Variants in SPAG16 observed in about 807,000 individuals in gnomAD.
SPAG16 encodes the protein sperm associated antigen 16.
A neutral mutation model predicts 80.4 loss-of-function variants in SPAG16; 86 were observed. The observed-to-expected ratio is 1.07, with a 90% confidence interval of 0.90 to 1.28. SPAG16 has a LOEUF of 1.28. SPAG16 is among the 50% of genes most tolerant of loss of function. The probability of loss-of-function intolerance (pLI) is 0.00; values close to 1 mark genes in which losing one functional copy is unlikely to be tolerated. For synonymous variants in SPAG16, 294 were observed against 265.9 expected, an observed-to-expected ratio of 1.11 and a Z score of -1.03; for missense variants, 870 against 765.3, an observed-to-expected ratio of 1.14 and a Z score of -1.61.
chr2:213,837,915 G>A (rs1482535819), intron 10 of SPAG16, among the ~76,000 whole-genome samples: 2 of 152,270 alleles, frequency 1.3e-5, no homozygotes, highest in Non-Finnish European at 2.9e-5. Context: ...GAAGATGAAG[G>A]AAGGGACCAT....
chr2:214,326,617 T>C (rs1696499927), intron 15 of SPAG16, among the ~76,000 whole-genome samples: 1 of 152,130 alleles, frequency 6.6e-6, no homozygotes, highest in Admixed American at 6.5e-5. Context: ...CCCAGCATGA[T>C]AGAGGTATTT....
At chr2:213,850,178 A>G (rs1319895651) in intron 10 of SPAG16, among the ~76,000 whole-genome samples, 1 of 152,196 alleles carries the variant, frequency 6.6e-6, no homozygotes, top group African/African-American at 2.4e-5. Context: ...TGTGTTTTGA[A>G]ATGGTATTTC....
intron 13 of SPAG16, among the ~76,000 whole-genome samples, chr2:214,103,400 C>A (rs917147343): frequency 6.6e-6 from 1 of 152,158 alleles, no homozygotes; most frequent in Non-Finnish European, 1.5e-5. Flanking sequence ...CCACGCCTGA[C>A]CTCTAGTCTG....
chr2:213,768,402 T>C (rs771873984), intron 10 of SPAG16, among the ~76,000 whole-genome samples: 2 of 152,140 alleles, frequency 1.3e-5, no homozygotes, highest in Non-Finnish European at 2.9e-5. Context: ...GACAGAAAAG[T>C]TACTCTGAAA....
intron 15 of SPAG16, among the ~76,000 whole-genome samples, chr2:214,387,546 A>G (rs1021712221): frequency 1.3e-5 from 2 of 152,218 alleles, no homozygotes; most frequent in African/African-American, 4.8e-5. Flanking sequence ...AAAAAATAAA[A>G]TCTACCCTTA....
At chr2:213,650,506 T>C (rs945125030) in intron 10 of SPAG16, among the ~76,000 whole-genome samples, 12 of 152,216 alleles carry the variant, frequency 7.9e-5, no homozygotes, top group Non-Finnish European at 1.5e-4. Flanking sequence ...ATAGCTACTA[T>C]TAATGCATTG....
intron 13 of SPAG16, among the ~76,000 whole-genome samples, chr2:214,050,857 A>G (rs144437714): frequency 5.3e-5 from 8 of 152,312 alleles, no homozygotes; most frequent in African/African-American, 1.7e-4. Flanking sequence ...AAAAAAGATC[A>G]ACCTGCAAAA....
intron 15 of SPAG16, among the ~76,000 whole-genome samples, chr2:214,299,551 C>T (rs1447124349): frequency 6.6e-6 from 1 of 151,970 alleles, no homozygotes; most frequent in Non-Finnish European, 1.5e-5. Context: ...CCAGCCTATA[C>T]TTCTGTGTAC....
chr2:214,059,583 CATT>C (rs2050149310), intron 13 of SPAG16, among the ~76,000 whole-genome samples: 1 of 151,948 alleles, frequency 6.6e-6, no homozygotes, highest in South Asian at 2.1e-4. Flanking sequence ...GAATCACAAT[CATT>C]ATAGATTTTC....
intron 15 of SPAG16, among the ~76,000 whole-genome samples, chr2:214,159,723 T>G (rs982643998): frequency 1.3e-5 from 2 of 151,998 alleles, no homozygotes; most frequent in African/African-American, 4.8e-5. Flanking sequence ...GTCATCTTCA[T>G]GTAACATCTC....
chr2:213,746,116 C>T (rs185523094), intron 10 of SPAG16, among the ~76,000 whole-genome samples: 1 of 152,272 alleles, frequency 6.6e-6, no homozygotes, highest in East Asian at 1.9e-4. Context: ...GAAATTCTGA[C>T]CCCTGGCATA....
intron 10 of SPAG16, among the ~76,000 whole-genome samples, chr2:213,549,154 T>G (rs946592427): frequency 9.2e-5 from 14 of 152,200 alleles, no homozygotes; most frequent in African/African-American, 3.4e-4. Flanking sequence ...GTAATCCTAT[T>G]TATTTCTTTT....
At chr2:213,554,150 A>T (rs2059349377) in intron 10 of SPAG16, among the ~76,000 whole-genome samples, 1 of 152,200 alleles carries the variant, frequency 6.6e-6, no homozygotes, top group South Asian at 2.1e-4. Flanking sequence ...GTATGAGAAA[A>T]GGAGGTCATG....
intron 10 of SPAG16, among the ~76,000 whole-genome samples, chr2:213,519,548 T>C (rs947787951): frequency 1.3e-5 from 2 of 152,222 alleles, no homozygotes; most frequent in Admixed American, 6.5e-5. Flanking sequence ...TCTGCCATGA[T>C]TGTGAGTCTT....
chr2:213,777,630 A>G (rs1204813860), intron 10 of SPAG16, among the ~76,000 whole-genome samples: 1 of 151,986 alleles, frequency 6.6e-6, no homozygotes, highest in African/African-American at 2.4e-5. Flanking sequence ...GATGGTCTCG[A>G]TCTCCTGACC....
In SPAG16 at chr2:214,069,015, C is replaced by T. The variant is rs774970891; in HGVS notation, c.1528-39181C>T. On this transcript the variant is annotated intron_variant, in intron 13 of 15. Coordinates refer to ENST00000331683, the MANE Select transcript of SPAG16 (RefSeq NM_024532.5). ...ACTTAGGACAAAAGAAATCATAAAG[C>T]CTGTGTTTCTAAATACCCAAGTTGT... Among the ~76,000 whole-genome samples, 104 of 152,122 alleles carry T rather than the reference C, an allele frequency of 6.8e-4. 1 individual carries two copies. Among genetic ancestry groups the T allele is most frequent in the Admixed American group, 1.2e-3 (18 of 15,262 alleles).
intron 11 of SPAG16, among the ~76,000 whole-genome samples, chr2:213,895,687 G>A (rs573899691): frequency 4.6e-5 from 7 of 152,062 alleles, no homozygotes; most frequent in African/African-American, 1.7e-4. Flanking sequence ...TCACTCATGT[G>A]GAAGCTATAT....
chr2:213,989,507 A>G (rs1031559474), intron 12 of SPAG16, among the ~76,000 whole-genome samples: 4 of 152,032 alleles, frequency 2.6e-5, no homozygotes, highest in African/African-American at 9.7e-5. Flanking sequence ...TGATCAATCC[A>G]TTTGAGCATG....
intron 10 of SPAG16, among the ~76,000 whole-genome samples, chr2:213,781,187 C>G (rs2069940019): frequency 1.3e-5 from 2 of 152,170 alleles, no homozygotes; most frequent in African/African-American, 4.8e-5. Flanking sequence ...CTTCATAGTT[C>G]CTACCTCCCC....
Sources: gnomAD v4.1 joint callset for allele counts (sites outside exome capture counted in the v4.1 genomes callset) on GRCh38, gnomAD v4.1.1 for gene constraint, MANE v1.5 for transcripts, NCBI Gene and HGNC (gene_info 2026-07-23, HGNC 2026-07-21) for gene names.